PRKD2: variants seen among roughly 807,000 people sequenced by gnomAD.
PRKD2 encodes serine/threonine-protein kinase D2.
In PRKD2, 22 loss-of-function variants were observed where a neutral mutation model predicts 86.0. The ratio of observed to expected loss-of-function variants is 0.26; its 90% CI spans 0.18 to 0.37. The LOEUF is 0.37. PRKD2 is among the 10% of genes least tolerant of loss of function. The pLI, the probability that PRKD2 is intolerant of heterozygous loss-of-function variation, is 1.00. For missense variants in PRKD2, 818 were observed against 1,199.2 expected (o/e 0.68, Z 4.70); for synonymous variants, 509 against 510.9 (o/e 1.00, Z 0.05).
intron 12 of PRKD2, 68 bp downstream of exon 12, chr19:46,691,667 A>C: frequency 1.3e-6 from 2 of 1,485,832 alleles, no homozygotes; most frequent in Non-Finnish European, 1.9e-6. Flanking sequence ...CCAGAAAGAA[A>C]GGGCTGGAGC....
At chr19:46,690,341 T>C (rs887621318) in intron 13 of PRKD2, among the ~76,000 whole-genome samples, 5 of 152,144 alleles carry the variant, frequency 3.3e-5, no homozygotes, top group Non-Finnish European at 5.9e-5. Context: ...GGCTCTCCAG[T>C]ACCCTCAGGA....
rs1220271161 is a variant in PRKD2, at chr19:46,678,643, G to A, written c.2091C>T (p.Gly697=). Residue 697 remains glycine, a synonymous_variant, in exon 16 of 18, where the codon GGC becomes GGT. Transcript: ENST00000291281. This position sits in a 1 kb window ranked among gnomAD's most constrained non-coding sequence, Gnocchi z 5.7. ...PFPQVKLCDF[G]FARIIGEKSF... ...ACTTCTCGCCGATGATGCGAGCAAA[G>A]CCAAAGTCACACAGCTTCACCTGCA... 9 of 1,606,306 alleles carry A rather than the reference G, an allele frequency of 5.6e-6. No individual in the cohort carries two copies. The highest frequency in any genetic ancestry group is 7.6e-6 in the Non-Finnish European group (9 of 1,179,764).
At chr19:46,689,804 T>C (rs948530100) in intron 13 of PRKD2, 106 bp from the exon 14 acceptor site, 1 of 1,335,332 alleles carries the variant, frequency 7.5e-7, no homozygotes, top group Non-Finnish European at 1.0e-6. Context: ...AGGATGTCCC[T>C]GGGGTATTGG....
intron 14 of PRKD2, among the ~76,000 whole-genome samples, chr19:46,687,163 C>G (rs1284465164): frequency 5.3e-5 from 8 of 151,968 alleles, no homozygotes; most frequent in Non-Finnish European, 1.2e-4. Context: ...GAGGCCGAGT[C>G]AGGAGGATCA....
intron 1 of PRKD2, 194 bp from the exon 2 acceptor site, chr19:46,714,195 G>T (rs1334319777): frequency 1.5e-6 from 2 of 1,334,862 alleles, no homozygotes; most frequent in Non-Finnish European, 1.9e-6. Flanking sequence ...CAATTGTACG[G>T]GGAGGGGGCG....
At chr19:46,707,867 C>T (rs1267223185) in intron 3 of PRKD2, among the ~76,000 whole-genome samples, 1 of 151,988 alleles carries the variant, frequency 6.6e-6, no homozygotes, top group Non-Finnish European at 1.5e-5. Context: ...GAGGGCAAGG[C>T]GGGTGGATCA....
At chr19:46,704,677 C>T in intron 3 of PRKD2, 28 bp from the exon 4 acceptor site, 1 of 1,570,968 alleles carries the variant, frequency 6.4e-7, no homozygotes, top group Non-Finnish European at 8.6e-7. Context: ...GAGTAAGAGA[C>T]ATGGCGTCTG....
chr19:46,682,510 G>A (rs1282735597), intron 14 of PRKD2, among the ~76,000 whole-genome samples: 1 of 152,032 alleles, frequency 6.6e-6, no homozygotes, highest in Non-Finnish European at 1.5e-5. Flanking sequence ...AGGGAAACAG[G>A]AGGCACTGGA....
Position 46,678,731 on chromosome 19 carries a change from C to T in PRKD2, c.2071-68G>A, listed in dbSNP as rs2053251091. 1 of 1,507,724 alleles carries T rather than the reference C, an allele frequency of 6.6e-7. No homozygotes were observed. Among genetic ancestry groups the T allele is most frequent in the Middle Eastern group, 1.7e-4 (1 of 5,736 alleles). The allele number at this position is 1,507,724 out of a possible 1,614,324, so 93.4% of individuals were successfully genotyped here. A position where few individuals can be genotyped will look rare whatever the true frequency, so the allele number is the denominator to read the frequency against. ...CGCACCCACCCCAGCATCCCCACCA[C>T]ACCACCCTCCATGGTATTCCAGAGA... On this transcript the variant is annotated intron_variant, in intron 15 of 17. Coordinates refer to ENST00000291281, the MANE Select transcript of PRKD2 (RefSeq NM_016457.5). The surrounding 1 kb of genome is among the most constrained non-coding windows in gnomAD (Gnocchi z 5.7).
At chr19:46,702,308 G>A (rs2053648382) in intron 5 of PRKD2, among the ~76,000 whole-genome samples, 1 of 152,038 alleles carries the variant, frequency 6.6e-6, no homozygotes, top group Non-Finnish European at 1.5e-5. Flanking sequence ...CCAAAGTGCT[G>A]GGATTACAGG....
At chr19:46,680,924 CTATATATA>C (rs1159306440) in intron 15 of PRKD2, among the ~76,000 whole-genome samples, 6 of 72,446 alleles carry the variant, frequency 8.3e-5, no homozygotes, top group East Asian at 3.1e-4. Context: ...TTGGGATAAA[CTATATATA>C]TATATATATA....
intron 15 of PRKD2, among the ~76,000 whole-genome samples, chr19:46,680,299 A>AT (rs1311982807): frequency 6.6e-6 from 1 of 151,534 alleles, no homozygotes; most frequent in South Asian, 2.1e-4. Flanking sequence ...TTTTATTATT[A>AT]TTTTTTTGAG....
At position 46,697,849 on chromosome 19, in the gene PRKD2, A is replaced by T; in HGVS notation, c.1123T>A (p.Ser375Thr). Residue 375 changes from serine to threonine, a missense_variant and splice_region_variant, in exon 8 of 18, where the codon TCC becomes ACC. Around this residue, in one of 5 missense-constraint regions of PRKD2, gnomAD observed 403 missense variants for 518.6 expected, o/e 0.78. Coordinates refer to ENST00000291281, the MANE Select transcript of PRKD2 (RefSeq NM_016457.5). ...CTCATTAGGGGGATGTACCCCAGGG[A>T]GCTGCGAAGGAAGAGGAAGGGGTGA... ...EEGEGGKAQS[S>T]LGYIPLMRVV... 6.2e-7 allele frequency: 1 copy of T among 1,611,710 alleles called. No individual in the cohort carries two copies. The highest frequency in any genetic ancestry group is 2.2e-5 in the East Asian group (1 of 44,792).
chr19:46,699,799 G>C (rs1436918577), intron 7 of PRKD2, among the ~76,000 whole-genome samples: 1 of 151,842 alleles, frequency 6.6e-6, no homozygotes, highest in Non-Finnish European at 1.5e-5. Flanking sequence ...AAAATGTGTA[G>C]GCTGGGGGCA....
chr19:46,686,363 A>C (rs1029269063), intron 14 of PRKD2, among the ~76,000 whole-genome samples: 1 of 151,696 alleles, frequency 6.6e-6, no homozygotes, highest in Admixed American at 6.6e-5. Context: ...AGCCAGGTGT[A>C]ATGGCTCATG....
In PRKD2 at chr19:46,710,937, C is replaced by G. The variant is rs1300031426; in HGVS notation, c.481G>C (p.Gly161Arg). ...CACTTGAGGCCCTGGCGCACTAGGC[C>G]GAAGAGCATCTCCCCGCAGTGATCA... ...FCDHCGEMLF[G>R]LVRQGLKCDG... The change falls in exon 3 of 18, where the codon GGC (glycine) becomes CGC (arginine). Residue 161 changes from glycine to arginine, a missense_variant. By Grantham distance (125) the Gly-to-Arg change is moderately radical (BLOSUM62 -2). This residue lies in a region of PRKD2 where 403 missense variants were observed against 518.6 expected (regional missense o/e 0.78). Transcript: ENST00000291281. The G allele has an allele frequency of 6.3e-7, 1 of 1,577,918 alleles. No individual in the cohort carries two copies. Among genetic ancestry groups the G allele is most frequent in the Non-Finnish European group, 8.6e-7 (1 of 1,161,784 alleles).
chr19:46,702,408 A>G (rs889832045), intron 5 of PRKD2, among the ~76,000 whole-genome samples: 1 of 152,168 alleles, frequency 6.6e-6, no homozygotes, highest in Admixed American at 6.6e-5. Flanking sequence ...TCTATGAGTC[A>G]ACACTTCTAA....
intron 5 of PRKD2, 113 bp downstream of exon 5, chr19:46,704,056 C>A: frequency 6.8e-7 from 1 of 1,479,610 alleles, no homozygotes; most frequent in Non-Finnish European, 9.1e-7. Context: ...GGGCCCTCCC[C>A]TTCTGAGGCC....
intron 15 of PRKD2, among the ~76,000 whole-genome samples, chr19:46,680,740 G>T (rs2053285700): frequency 6.6e-6 from 1 of 150,890 alleles, no homozygotes; most frequent in Non-Finnish European, 1.5e-5. Context: ...GTCTTGCTCT[G>T]TCACCCCAGC....
Sources: allele counts gnomAD v4.1 joint callset (sites outside exome capture counted in the v4.1 genomes callset), GRCh38; gene constraint gnomAD v4.1.1; regional missense constraint gnomAD v4.1.1; non-coding constraint Gnocchi (gnomAD v3.1); transcripts MANE v1.5; gene names NCBI Gene and HGNC (gene_info 2026-07-23, HGNC 2026-07-21).